Variants in MYT1L observed in about 807,000 individuals in gnomAD.
The protein encoded by MYT1L is myelin transcription factor 1-like protein.
MYT1L carries 12 observed loss-of-function variants against 126.7 expected under a neutral mutation model. The observed-to-expected ratio is 0.09, with a 90% CI of 0.06 to 0.15. The LOEUF (loss-of-function observed/expected upper bound fraction) is 0.15. MYT1L is among the 10% of genes least tolerant of loss of function. MYT1L has a pLI of 1.00. For missense variants in MYT1L, 979 were observed against 1,585.2 expected, an observed-to-expected ratio of 0.62 and a Z score of 6.49; for synonymous variants, 541 against 604.2, an observed-to-expected ratio of 0.90 and a Z score of 1.53.
intron 8 of MYT1L, among the ~76,000 whole-genome samples, chr2:1,949,079 C>A (rs1022803226): frequency 1.3e-5 from 2 of 152,068 alleles, no homozygotes; most frequent in Admixed American, 6.5e-5. Context: ...TCTCTGTTGA[C>A]AAAATACCCC....
rs1444991820 is a variant in MYT1L, at chr2:1,889,203, G to C, written c.2520+38C>G. On this transcript the variant is annotated intron_variant, in intron 16 of 24. Coordinates refer to ENST00000647738, the MANE Select transcript of MYT1L (RefSeq NM_001303052.2). This position sits in a 1 kb window ranked among gnomAD's most constrained non-coding sequence, Gnocchi z 4.1. ...CTTTCAGCTGGGGCCCCATTTTTAAGTCTGGCAGTCAACACAGGCTCAATG... is the reference window on the plus strand; with the variant it reads ...CTTTCAGCTGGGGCCCCATTTTTAACTCTGGCAGTCAACACAGGCTCAATG... The C allele has an allele frequency of 1.3e-6, 2 of 1,551,354 alleles. No individual in the cohort carries two copies. The highest frequency in any genetic ancestry group is 3.5e-5 in the Admixed American group (2 of 57,188).
chr2:2,220,595 A>T (rs1477951726), intron 2 of MYT1L, among the ~76,000 whole-genome samples: 1 of 152,184 alleles, frequency 6.6e-6, no homozygotes, highest in Non-Finnish European at 1.5e-5. Context: ...TTGTTATGTT[A>T]ATAGAGATTC....
chr2:1,972,698 T>A (rs994024588), intron 8 of MYT1L, among the ~76,000 whole-genome samples: 11 of 152,160 alleles, frequency 7.2e-5, no homozygotes, highest in African/African-American at 2.4e-4. Flanking sequence ...CAGCCTCCTG[T>A]GAAGACAGGC....
intron 4 of MYT1L, among the ~76,000 whole-genome samples, chr2:2,048,605 G>C (rs937419959): frequency 8.5e-5 from 13 of 152,304 alleles, no homozygotes; most frequent in African/African-American, 2.9e-4. Flanking sequence ...GCAAAGCAAA[G>C]AGAAACTCAT....
chr2:2,132,092 G>C lies in MYT1L; in HGVS notation c.-304+40780C>G, dbSNP rs543052408. On this transcript the variant is annotated intron_variant, in intron 3 of 24. Transcript: ENST00000647738. ...CCAGCTAATTTTTGTATTTCTAGTA[G>C]AGATGGGGGTTTCACCACATTGGCC... is the stretch of plus-strand genomic sequence containing the variant. Among the ~76,000 whole-genome samples the C allele has an allele frequency of 1.7e-4, 26 of 151,648 alleles. No individual in the cohort carries two copies. The South Asian group carries it at 5.3e-3, about 31-fold the overall frequency.
chr2:1,839,387 G>T lies in MYT1L; in HGVS notation c.2859-17C>A, dbSNP rs766663726. ...ACCGGACACCTGTAGGCAGGCAGAGGTGACACACTTTATTGTCTGGCCACC... is the reference window on the plus strand; with the variant it reads ...ACCGGACACCTGTAGGCAGGCAGAGTTGACACACTTTATTGTCTGGCCACC... On this transcript the variant is annotated splice_polypyrimidine_tract_variant and intron_variant, in intron 20 of 24. Coordinates refer to ENST00000647738, the MANE Select transcript of MYT1L (RefSeq NM_001303052.2). The T allele has an allele frequency of 1.9e-6, 3 of 1,604,800 alleles. No individual in the cohort carries two copies. In the South Asian group the frequency reaches 3.3e-5, roughly 18 times the overall value.
chr2:2,211,791 G>C lies in MYT1L; in HGVS notation c.-420-38803C>G, dbSNP rs1371541742. 1.1e-4 allele frequency among the ~76,000 whole-genome samples: 13 copies of C among 120,926 alleles called. 2 individuals are homozygous for C. Among genetic ancestry groups the C allele is most frequent in the African/African-American group, 5.0e-4 (13 of 26,032 alleles). 79.3% of individuals were successfully genotyped at this position (120,926 alleles called of 152,430 possible). On this transcript the variant is annotated intron_variant, in intron 2 of 24. Coordinates refer to ENST00000647738, the MANE Select transcript of MYT1L (RefSeq NM_001303052.2). The stretch of plus-strand genomic sequence containing the variant: ...TTGCACTCCAGCCTGGGGACAGAGA[G>C]AGACTCCATGTCAAAAAAAAAAAAA...
intron 9 of MYT1L, among the ~76,000 whole-genome samples, chr2:1,937,688 GT>G (rs2056148016): frequency 6.6e-6 from 1 of 151,560 alleles, no homozygotes; most frequent in Non-Finnish European, 1.5e-5. Flanking sequence ...AGGCCCTAAT[GT>G]CCACAGCCAT....
chr2:2,177,528 G>C (rs1451024633), intron 2 of MYT1L, among the ~76,000 whole-genome samples: 1 of 152,178 alleles, frequency 6.6e-6, no homozygotes, highest in East Asian at 1.9e-4. Flanking sequence ...CACACTGCTA[G>C]AAAGAACTGC....
Position 2,289,601 on chromosome 2 carries a change from C to T in MYT1L, c.-520-5098G>A, listed in dbSNP as rs191880928. Among the ~76,000 whole-genome samples, 185 of 152,208 alleles carry T rather than the reference C, an allele frequency of 1.2e-3. 1 individual carries two copies. Among genetic ancestry groups the T allele is most frequent in the African/African-American group, 3.9e-3 (162 of 41,528 alleles). On this transcript the variant is annotated intron_variant, in intron 1 of 24. Transcript: ENST00000647738. ...CTTGAACAGTCATCCTTCCATAAGACGGAAATAAGAAGAGCCCTTGTACCA... is the reference window on the plus strand; with the variant it reads ...CTTGAACAGTCATCCTTCCATAAGATGGAAATAAGAAGAGCCCTTGTACCA...
At chr2:2,072,070 C>T (rs886406752) in intron 3 of MYT1L, among the ~76,000 whole-genome samples, 3 of 152,134 alleles carry the variant, frequency 2.0e-5, no homozygotes, top group Admixed American at 1.3e-4. Context: ...TCAAAAAAGA[C>T]TCCGTGTCAA....
intron 8 of MYT1L, among the ~76,000 whole-genome samples, chr2:1,948,624 C>T (rs543250081): frequency 1.4e-4 from 22 of 152,254 alleles, no homozygotes; most frequent in African/African-American, 4.1e-4. Context: ...GCTGATGGGG[C>T]GGTGATCTGG....
chr2:2,271,206 A>T (rs1337974865), intron 2 of MYT1L, among the ~76,000 whole-genome samples: 1 of 152,200 alleles, frequency 6.6e-6, no homozygotes, highest in East Asian at 1.9e-4. Context: ...ACACAGTGCC[A>T]ACAACATGGA....
chr2:1,792,971 T>C (rs1288342086), intron 23 of MYT1L, among the ~76,000 whole-genome samples: 1 of 151,552 alleles, frequency 6.6e-6, no homozygotes, highest in African/African-American at 2.4e-5. Context: ...ACTTGACAAC[T>C]GGGGAGCTGA....
intron 2 of MYT1L, among the ~76,000 whole-genome samples, chr2:2,217,670 C>T (rs1469947859): frequency 1.5e-5 from 1 of 66,592 alleles, no homozygotes; most frequent in Admixed American, 2.0e-4. Context: ...AACTCCATCT[C>T]AACAACAACA....
intron 1 of MYT1L, among the ~76,000 whole-genome samples, chr2:2,295,609 C>CAGACAG (rs2095666449): frequency 1.3e-4 from 1 of 7,962 alleles, no homozygotes; most frequent in African/African-American, 7.6e-4. Flanking sequence ...GAGAGACAGA[C>CAGACAG]AGAGAGAGAG....
chr2:2,122,936 T>C (rs904584387), intron 3 of MYT1L, among the ~76,000 whole-genome samples: 4 of 151,236 alleles, frequency 2.6e-5, no homozygotes, highest in Non-Finnish European at 4.4e-5. Flanking sequence ...GGGATTTCTA[T>C]GGGGAGGCGC....
chr2:2,114,983 A>G (rs938988200), intron 3 of MYT1L, among the ~76,000 whole-genome samples: 1 of 152,206 alleles, frequency 6.6e-6, no homozygotes, highest in African/African-American at 2.4e-5. Context: ...AGCATCTCAC[A>G]GACTGTTTTC....
intron 3 of MYT1L, among the ~76,000 whole-genome samples, chr2:2,109,346 C>G (rs1436597850): frequency 1.3e-5 from 2 of 152,276 alleles, no homozygotes; most frequent in East Asian, 3.9e-4. Flanking sequence ...CTCCAGATTC[C>G]TGTGGTAATT....
Sources: gnomAD v4.1 joint callset for allele counts (sites outside exome capture counted in the v4.1 genomes callset) on GRCh38, gnomAD v4.1.1 for gene constraint, Gnocchi (gnomAD v3.1) non-coding constraint, MANE v1.5 for transcripts, NCBI Gene and HGNC (gene_info 2026-07-23, HGNC 2026-07-21) for gene names.